NSG2: variants seen among roughly 807,000 people sequenced by gnomAD.
NSG2 encodes the protein neuronal vesicle trafficking-associated protein 2.
NSG2 carries 4 observed loss-of-function variants against 16.9 expected under a neutral mutation model. That is an observed-to-expected ratio of 0.24 (90% CI 0.12 to 0.54). The LOEUF (loss-of-function observed/expected upper bound fraction) is 0.54, where lower values mean the gene tolerates loss of function less well. Ranked by LOEUF, NSG2 falls within the 20% of genes least tolerant of loss-of-function variation. NSG2 has a pLI of 0.95. For synonymous variants in NSG2, 98 were observed against 88.7 expected (o/e 1.11, Z -0.59); for missense variants, 179 against 221.1 (o/e 0.81, Z 1.21).
intron 3 of NSG2, among the ~76,000 whole-genome samples, chr5:174,100,998 CCCTCAGACCCTG>C (rs1162426747): frequency 2.6e-5 from 4 of 152,226 alleles, no homozygotes; most frequent in African/African-American, 9.6e-5. Flanking sequence ...TCCAGCAGCT[CCCTCAGACCCTG>C]CATCAGGCTG....
intron 1 of NSG2, 122 bp from the exon 2 acceptor site, chr5:174,046,612 C>A: frequency 1.3e-6 from 1 of 762,076 alleles, no homozygotes; most frequent in Non-Finnish European, 2.1e-6. Context: ...AGATCAATGA[C>A]TGATCACTAG....
At chr5:174,056,419 A>G (rs1217823386) in intron 2 of NSG2, 1 of 152,244 alleles carries the variant, frequency 6.6e-6, no homozygotes, top group Admixed American at 6.5e-5. Flanking sequence ...GGTATTCTTG[A>G]GTTTGAATGT....
chr5:174,082,028 A>G (rs1760483928), intron 3 of NSG2, among the ~76,000 whole-genome samples: 2 of 152,140 alleles, frequency 1.3e-5, no homozygotes, highest in Admixed American at 1.3e-4. Context: ...TCATCTTAGC[A>G]TTTGGAAGGA....
intron 3 of NSG2, among the ~76,000 whole-genome samples, chr5:174,092,385 C>T (rs182558065): frequency 8.1e-4 from 124 of 152,282 alleles, no homozygotes; most frequent in Non-Finnish European, 5.0e-4. Context: ...GCTTTTCTGC[C>T]CCATTAATAT....
chr5:174,083,965 A>G (rs1426761365), intron 3 of NSG2: 1 of 152,160 alleles, frequency 6.6e-6, no homozygotes, highest in African/African-American at 2.4e-5. Context: ...TCTTCTGAGC[A>G]ATCAGTTTGC....
In NSG2 at chr5:174,072,867, C is replaced by T. The variant is rs1760266838; in HGVS notation, c.213+8552C>T. ...GGATGTGGTTATGCATGCCTGTGGT[C>T]CCAGCTGCTCAGGAGGCTGAGGCAG... On this transcript the variant is annotated intron_variant, in intron 3 of 4. Transcript: ENST00000303177. The surrounding 1 kb of genome is among the most constrained non-coding windows in gnomAD (Gnocchi z 4.0). Among the ~76,000 whole-genome samples, 1 of 152,146 alleles carries T rather than the reference C, an allele frequency of 6.6e-6. No homozygotes were observed. The highest frequency in any genetic ancestry group is 6.5e-5 in the Admixed American group (1 of 15,276).
intron 2 of NSG2, 38 bp downstream of exon 2, chr5:174,046,922 T>C: frequency 2.5e-6 from 4 of 1,596,072 alleles, no homozygotes; most frequent in Non-Finnish European, 3.4e-6. Context: ...GCCCCCAGGC[T>C]CCCCCCATCT....
At chr5:174,061,842 A>G (rs1760057828) in intron 2 of NSG2, among the ~76,000 whole-genome samples, 1 of 150,008 alleles carries the variant, frequency 6.7e-6, no homozygotes, top group African/African-American at 2.5e-5. Context: ...TGACCCCATG[A>G]TCCACCCGCC....
intron 4 of NSG2, among the ~76,000 whole-genome samples, 180 bp downstream of exon 4, chr5:174,104,518 G>A (rs537471633): frequency 5.3e-5 from 8 of 152,346 alleles, no homozygotes; most frequent in African/African-American, 1.9e-4. Context: ...TCTCCAGTAA[G>A]CAGTAGAGTT....
rs747667860 is a variant in NSG2 at position 174,107,442 on chromosome 5, G to T, written c.453G>T (p.Gly151=). Residue 151 remains glycine, a synonymous_variant, in exon 5 of 5, where the codon GGG becomes GGT. Coordinates refer to ENST00000303177, the MANE Select transcript of NSG2 (RefSeq NM_015980.5). This position sits in a 1 kb window ranked among gnomAD's most constrained non-coding sequence, Gnocchi z 4.5. ...AGCAGAGCACTGCCCGGGCCATCGG[G>T]CCGTGGCTGTCAGCAGCCGCTGTCA... The part of the protein sequence containing the change: ...VAKQSTARAI[G]PWLSAAAVIH... The T allele has an allele frequency of 3.1e-6, 5 of 1,612,492 alleles. No individual in the cohort carries two copies. The South Asian group carries it at 5.5e-5, about 18-fold the overall frequency.
chr5:174,071,304 T>C (rs185361018), intron 3 of NSG2, among the ~76,000 whole-genome samples: 2 of 152,252 alleles, frequency 1.3e-5, no homozygotes, highest in African/African-American at 4.8e-5. Flanking sequence ...CTGGCCAACA[T>C]GGTGAAACAC....
chr5:174,098,115 A>G (rs1760835684), intron 3 of NSG2, among the ~76,000 whole-genome samples: 1 of 152,136 alleles, frequency 6.6e-6, no homozygotes, highest in Non-Finnish European at 1.5e-5. Context: ...TTAGGGGTTC[A>G]GGGCTGGAGC....
chr5:174,075,654 G>T (rs902661396), intron 3 of NSG2, among the ~76,000 whole-genome samples: 1 of 152,164 alleles, frequency 6.6e-6, no homozygotes, highest in Non-Finnish European at 1.5e-5. Context: ...CACCTGCTCC[G>T]CAATCCCAGT....
intron 2 of NSG2, among the ~76,000 whole-genome samples, chr5:174,054,866 C>T (rs1398282613): frequency 2.0e-5 from 3 of 152,102 alleles, no homozygotes; most frequent in Admixed American, 2.0e-4. Flanking sequence ...GCACTGTGAC[C>T]CTGGGTGAGT....
intron 2 of NSG2, among the ~76,000 whole-genome samples, chr5:174,050,107 G>A (rs1442148221): frequency 6.6e-6 from 1 of 152,194 alleles, no homozygotes; most frequent in Non-Finnish European, 1.5e-5. Flanking sequence ...CTTTTGTAGA[G>A]GAGGCAGAGT....
chr5:174,059,225 G>A (rs1019979397), intron 2 of NSG2, among the ~76,000 whole-genome samples: 2 of 152,096 alleles, frequency 1.3e-5, no homozygotes, highest in Admixed American at 6.6e-5. Flanking sequence ...AAACCTCTTG[G>A]TATCTAATTT....
At chr5:174,063,393 C>T (rs1207102592) in intron 2 of NSG2, among the ~76,000 whole-genome samples, 6 of 152,112 alleles carry the variant, frequency 3.9e-5, no homozygotes, top group Non-Finnish European at 8.8e-5. Flanking sequence ...AATATTCAGA[C>T]TTTAGAAAAA....
chr5:174,084,941 A>G (rs920611236), intron 3 of NSG2, among the ~76,000 whole-genome samples: 5 of 152,194 alleles, frequency 3.3e-5, no homozygotes, highest in Admixed American at 2.6e-4. Flanking sequence ...TACAGTCAGA[A>G]TGGTGGATAA....
chr5:174,090,004 G>A (rs1327855693), intron 3 of NSG2, among the ~76,000 whole-genome samples: 1 of 152,156 alleles, frequency 6.6e-6, no homozygotes, highest in Non-Finnish European at 1.5e-5. Flanking sequence ...GCCTTTTAAG[G>A]CACAGGGTCC....
Sources: allele counts gnomAD v4.1 joint callset (sites outside exome capture counted in the v4.1 genomes callset), GRCh38; gene constraint gnomAD v4.1.1; non-coding constraint Gnocchi (gnomAD v3.1); transcripts MANE v1.5; gene names NCBI Gene and HGNC (gene_info 2026-07-23, HGNC 2026-07-21).